The following BCAS3 variants were observed in gnomAD, a reference collection of about 807,000 sequenced individuals.
BCAS3 encodes BCAS4/BCAS3 fusion.
A neutral mutation model predicts 116.1 loss-of-function variants in BCAS3; 53 were observed. The observed-to-expected ratio is 0.46, with a 90% CI of 0.37 to 0.57. BCAS3 has a LOEUF of 0.57. BCAS3 is among the 20% of genes least tolerant of loss of function. BCAS3 has a pLI of 0.00. For missense variants in BCAS3, 917 were observed against 1,165.4 expected, an observed-to-expected ratio of 0.79 and a Z score of 3.10; for synonymous variants, 391 against 408.2, an observed-to-expected ratio of 0.96 and a Z score of 0.51.
At chr17:60,812,394 A>G (rs895255419) in intron 7 of BCAS3, among the ~76,000 whole-genome samples, 31 of 152,302 alleles carry the variant, frequency 2.0e-4, no homozygotes, top group Non-Finnish European at 4.0e-4. Flanking sequence ...GAGGGACACA[A>G]TTTGTAGAAG....
At position 60,850,638 on chromosome 17, in the gene BCAS3, C is replaced by T. The variant is rs184257683; in HGVS notation, c.477-17938C>T. On this transcript the variant is annotated intron_variant, in intron 7 of 23. Coordinates refer to ENST00000407086, the MANE Select transcript of BCAS3 (RefSeq NM_017679.5). ...CTTCTGAAAGTGCTGGGATTAGAGG[C>T]GTGAGCCACTGCGCCCGGCCAATTT... 9.2e-5 allele frequency among the ~76,000 whole-genome samples: 14 copies of T among 152,164 alleles called. No homozygotes were observed. The East Asian group carries it at 1.9e-3, about 21-fold the overall frequency.
rs1424427023 is a variant in BCAS3 at position 61,130,321 on chromosome 17, A to G, written c.2425+45757A>G. On this transcript the variant is annotated intron_variant, in intron 22 of 23. Coordinates refer to ENST00000407086, the MANE Select transcript of BCAS3 (RefSeq NM_017679.5). This position sits in a 1 kb window ranked among gnomAD's most constrained non-coding sequence, Gnocchi z 5.0. ...AACTGGCAAAATATCTTCCCAATTA[A>G]TTATGAGAAATTCATCTGTACAATT... Among the ~76,000 whole-genome samples the G allele has an allele frequency of 6.6e-6, 1 of 152,206 alleles. No individual in the cohort carries two copies. Among genetic ancestry groups the G allele is most frequent in the South Asian group, 2.1e-4 (1 of 4,832 alleles).
rs1166969491 is a variant in BCAS3, at chr17:61,276,370, C to CA, written c.2426-91954dup. On this transcript the variant is annotated intron_variant, in intron 22 of 23. Transcript: ENST00000407086. This position sits in a 1 kb window ranked among gnomAD's most constrained non-coding sequence, Gnocchi z 4.2. Reference sequence around the variant, plus strand: ...TCCATCTCAAAAACAAACAAACAAACAAACAAAAATCACTTGTGTTTCTAT... The same window carrying CA: ...TCCATCTCAAAAACAAACAAACAAACAAAACAAAAATCACTTGTGTTTCTAT... Among the ~76,000 whole-genome samples, 62 of 151,370 alleles carry CA rather than the reference C, an allele frequency of 4.1e-4. 1 individual carries two copies. The highest frequency in any genetic ancestry group is 3.4e-3 in the Middle Eastern group (1 of 294).
chr17:60,988,517 C>T (rs1008502434), intron 14 of BCAS3, among the ~76,000 whole-genome samples: 1 of 151,702 alleles, frequency 6.6e-6, no homozygotes, highest in South Asian at 2.1e-4. Flanking sequence ...AGCAGTGAAG[C>T]CATTGGTCCT....
At chr17:61,090,492 T>C (rs750995738) in intron 22 of BCAS3, among the ~76,000 whole-genome samples, 11 of 152,198 alleles carry the variant, frequency 7.2e-5, no homozygotes, top group Non-Finnish European at 1.5e-4. Flanking sequence ...AGTAAGTGTA[T>C]ACATTAAATT....
intron 22 of BCAS3, among the ~76,000 whole-genome samples, chr17:61,160,472 G>A (rs781290411): frequency 6.6e-6 from 1 of 152,040 alleles, no homozygotes; most frequent in Non-Finnish European, 1.5e-5. Context: ...CTGTGACTGC[G>A]CTCCTGCATG....
At chr17:61,036,418 C>G (rs1296436145) in intron 17 of BCAS3, 1 of 152,144 alleles carries the variant, frequency 6.6e-6, no homozygotes, top group Non-Finnish European at 1.5e-5. Context: ...AGTATGCAAG[C>G]CTTCCATTTC....
intron 6 of BCAS3, among the ~76,000 whole-genome samples, chr17:60,780,211 A>G (rs1408252473): frequency 6.6e-6 from 1 of 151,642 alleles, no homozygotes; most frequent in East Asian, 2.0e-4. Context: ...GCTGGTCTCA[A>G]ACTCCTGACC....
rs1383471961 is a variant in BCAS3, at chr17:61,199,404, A to G, written c.2425+114840A>G. 1.3e-5 allele frequency among the ~76,000 whole-genome samples: 2 copies of G among 152,250 alleles called. No homozygotes were observed. The highest frequency in any genetic ancestry group is 2.9e-5 in the Non-Finnish European group (2 of 68,044). On this transcript the variant is annotated intron_variant, in intron 22 of 23. Coordinates refer to ENST00000407086, the MANE Select transcript of BCAS3 (RefSeq NM_017679.5). The surrounding 1 kb of genome is among the most constrained non-coding windows in gnomAD (Gnocchi z 4.6). Reference sequence around the variant, plus strand: ...GGTGTTACAGTAAAGACAACTCGACATCATACTGACTACAAATTACCTCCC... The same window carrying G: ...GGTGTTACAGTAAAGACAACTCGACGTCATACTGACTACAAATTACCTCCC...
chr17:61,094,768 C>G (rs144903754), intron 22 of BCAS3, among the ~76,000 whole-genome samples: 13 of 152,124 alleles, frequency 8.5e-5, no homozygotes, highest in African/African-American at 3.1e-4. Flanking sequence ...CGCTTGAACC[C>G]GGGAGGCAGA....
Position 61,034,924 on chromosome 17 carries a change from C to G in BCAS3, c.1762+134C>G. ...AATTTTTTTAATGTAATTAGCATGT[C>G]ACTTCTCAACTACTCAAGCCTAGTC... On this transcript the variant is annotated intron_variant, in intron 17 of 23. Transcript: ENST00000407086. This position sits in a 1 kb window ranked among gnomAD's most constrained non-coding sequence, Gnocchi z 5.0. 1 of 741,294 alleles carries G rather than the reference C, an allele frequency of 1.3e-6. No homozygotes were observed. The highest frequency in any genetic ancestry group is 2.8e-5 in the East Asian group (1 of 35,648). 45.9% of individuals were successfully genotyped at this position (741,294 alleles called of 1,614,324 possible).
intron 14 of BCAS3, 32 bp downstream of exon 14, chr17:60,947,384 C>A (rs769191492): frequency 1.4e-5 from 22 of 1,597,514 alleles, no homozygotes; most frequent in East Asian, 4.5e-5. Context: ...AAGGCGATTT[C>A]TTGGTGTAAT....
chr17:60,679,363 C>A, intron 1 of BCAS3, 90 bp from the exon 2 acceptor site: 3 of 872,812 alleles, frequency 3.4e-6, no homozygotes, highest in South Asian at 1.9e-5. Context: ...GACAAGGGAT[C>A]TCTAGTGAGT....
intron 4 of BCAS3, among the ~76,000 whole-genome samples, chr17:60,701,665 A>G (rs1397063347): frequency 6.6e-6 from 1 of 152,164 alleles, no homozygotes; most frequent in East Asian, 1.9e-4. Context: ...ACTATAAAAT[A>G]TACACAAATC....
chr17:60,867,875 T>C (rs1338057497), intron 7 of BCAS3, among the ~76,000 whole-genome samples: 1 of 152,168 alleles, frequency 6.6e-6, no homozygotes. Context: ...TTTCATATTT[T>C]ATGGGTGTTT....
chr17:60,826,754 T>A (rs2050465709), intron 7 of BCAS3, among the ~76,000 whole-genome samples: 1 of 152,188 alleles, frequency 6.6e-6, no homozygotes, highest in Admixed American at 6.5e-5. Flanking sequence ...GCTATTTGCC[T>A]GGAAATTTAA....
chr17:60,738,413 G>T (rs1296196218), intron 5 of BCAS3, among the ~76,000 whole-genome samples: 1 of 152,192 alleles, frequency 6.6e-6, no homozygotes, highest in East Asian at 1.9e-4. Flanking sequence ...CACCGATTAA[G>T]TCTTCTTGGG....
intron 19 of BCAS3, among the ~76,000 whole-genome samples, chr17:61,055,428 A>G (rs1442539171): frequency 1.3e-5 from 2 of 152,204 alleles, no homozygotes; most frequent in Non-Finnish European, 2.9e-5. Context: ...TTAAGTGTGC[A>G]GAGGAAGTAA....
At position 61,328,954 on chromosome 17, in the gene BCAS3, GT is replaced by G. The variant is rs548033659; in HGVS notation, c.2426-39372del. ...CTGTCGCCCAGGCTGGAGTGCAGTG[GT>G]GCAATCTCAGCTCACCGCAACCTCC... is the stretch of plus-strand genomic sequence containing the variant. On this transcript the variant is annotated intron_variant, in intron 22 of 23. Coordinates refer to ENST00000407086, the MANE Select transcript of BCAS3 (RefSeq NM_017679.5). Among the ~76,000 whole-genome samples the G allele has an allele frequency of 5.6e-3, 844 of 149,404 alleles. 3 individuals are homozygous for G. The highest frequency in any genetic ancestry group is 9.1e-3 in the Admixed American group (135 of 14,876).
Sources: allele counts gnomAD v4.1 joint callset (sites outside exome capture counted in the v4.1 genomes callset), GRCh38; gene constraint gnomAD v4.1.1; non-coding constraint Gnocchi (gnomAD v3.1); transcripts MANE v1.5; gene names NCBI Gene and HGNC (gene_info 2026-07-23, HGNC 2026-07-21).